Variants in CTNNA3 observed in about 807,000 individuals in gnomAD.
The protein encoded by CTNNA3 is catenin alpha-3.
In CTNNA3, 76 loss-of-function variants were observed where a neutral mutation model predicts 95.7. That is an observed-to-expected ratio of 0.79 (90% CI 0.66 to 0.96). CTNNA3 has a LOEUF of 0.96. CTNNA3 is among the 40% of genes least tolerant of loss of function. The pLI is 0.00. For synonymous variants in CTNNA3, 431 were observed against 374.4 expected (o/e 1.15, Z -1.74); for missense variants, 1,191 against 1,089.8 (o/e 1.09, Z -1.31).
At chr10:67,260,615 A>G (rs1866560229) in intron 5 of CTNNA3, among the ~76,000 whole-genome samples, 2 of 152,130 alleles carry the variant, frequency 1.3e-5, no homozygotes, top group African/African-American at 4.8e-5. Context: ...AAATGCAAGC[A>G]TTGCAGGTAT....
At chr10:66,414,389 T>A (rs1343275877) in intron 11 of CTNNA3, among the ~76,000 whole-genome samples, 1 of 152,126 alleles carries the variant, frequency 6.6e-6, no homozygotes, top group Non-Finnish European at 1.5e-5. Context: ...CTGTTCAGCC[T>A]GGATTGACTG....
intron 7 of CTNNA3, among the ~76,000 whole-genome samples, chr10:67,107,946 C>A (rs1858741081): frequency 6.6e-6 from 1 of 152,180 alleles, no homozygotes; most frequent in Non-Finnish European, 1.5e-5. Context: ...CCTGTTTCCC[C>A]CTTTTCTTCC....
chr10:66,251,185 T>A (rs1271278623), intron 13 of CTNNA3, among the ~76,000 whole-genome samples: 1 of 152,158 alleles, frequency 6.6e-6, no homozygotes, highest in Non-Finnish European at 1.5e-5. Context: ...TAAGCAGCCA[T>A]CTTGTGTGGC....
intron 7 of CTNNA3, among the ~76,000 whole-genome samples, chr10:67,128,781 T>C (rs896868066): frequency 3.9e-5 from 6 of 152,078 alleles, no homozygotes; most frequent in Non-Finnish European, 8.8e-5. Flanking sequence ...TATAAATACC[T>C]ATTTGAGGGA....
intron 7 of CTNNA3, among the ~76,000 whole-genome samples, chr10:67,055,815 C>T (rs752800052): frequency 2.6e-5 from 4 of 152,064 alleles, no homozygotes; most frequent in Non-Finnish European, 5.9e-5. Flanking sequence ...CTTAAATTTC[C>T]CCAACAACCT....
chr10:66,838,850 T>C (rs898285922), intron 7 of CTNNA3, among the ~76,000 whole-genome samples: 1 of 152,198 alleles, frequency 6.6e-6, no homozygotes. Context: ...AAGTAACTAA[T>C]CTATTACCTC....
intron 13 of CTNNA3, among the ~76,000 whole-genome samples, chr10:66,217,805 G>A (rs1013985215): frequency 9.9e-5 from 15 of 152,130 alleles, no homozygotes; most frequent in African/African-American, 2.9e-4. Flanking sequence ...TATCCATGAT[G>A]GCTGTGGTAG....
chr10:66,985,680 C>G (rs1297015696), intron 7 of CTNNA3, among the ~76,000 whole-genome samples: 1 of 152,054 alleles, frequency 6.6e-6, no homozygotes, highest in Non-Finnish European at 1.5e-5. Context: ...GAACCCAATC[C>G]CATTGCCCCT....
intron 7 of CTNNA3, among the ~76,000 whole-genome samples, chr10:67,127,155 A>G (rs1564909269): frequency 6.6e-6 from 1 of 152,092 alleles, no homozygotes; most frequent in Non-Finnish European, 1.5e-5. Flanking sequence ...TTAGATTTTA[A>G]CCCATGTAAA....
chr10:65,965,922 T>A (rs559308099), intron 17 of CTNNA3, among the ~76,000 whole-genome samples: 1 of 152,310 alleles, frequency 6.6e-6, no homozygotes. Flanking sequence ...TTAGTCCATG[T>A]CCTTCTCAAA....
At chr10:66,336,428 G>A (rs375155498) in intron 12 of CTNNA3, among the ~76,000 whole-genome samples, 15 of 152,038 alleles carry the variant, frequency 9.9e-5, no homozygotes, top group Middle Eastern at 3.4e-3. Flanking sequence ...TTTTGCCACC[G>A]TTTGTCTAGT....
chr10:66,572,696 T>C (rs1373214845), intron 10 of CTNNA3, among the ~76,000 whole-genome samples: 1 of 152,094 alleles, frequency 6.6e-6, no homozygotes, highest in African/African-American at 2.4e-5. Context: ...ATCTCCACAT[T>C]TAACTTTCAA....
At chr10:65,923,491 G>A (rs1174415342) in intron 17 of CTNNA3, among the ~76,000 whole-genome samples, 3 of 152,152 alleles carry the variant, frequency 2.0e-5, no homozygotes, top group Admixed American at 6.5e-5. Context: ...AGAACGGTTG[G>A]CATTGAGAGC....
intron 5 of CTNNA3, among the ~76,000 whole-genome samples, chr10:67,417,251 C>T (rs571773230): frequency 1.2e-4 from 18 of 152,188 alleles, no homozygotes; most frequent in African/African-American, 4.1e-4. Flanking sequence ...GCCTTGTGCA[C>T]ACATGGACAT....
At chr10:66,569,742 T>C (rs1158304371) in intron 10 of CTNNA3, among the ~76,000 whole-genome samples, 1 of 152,112 alleles carries the variant, frequency 6.6e-6, no homozygotes, top group Non-Finnish European at 1.5e-5. Flanking sequence ...ACACTGACAA[T>C]TGTTTATGGC....
intron 14 of CTNNA3, among the ~76,000 whole-genome samples, chr10:66,072,674 A>T (rs1211170022): frequency 2.0e-5 from 3 of 151,858 alleles, no homozygotes; most frequent in African/African-American, 7.3e-5. Context: ...TGAACTCCTG[A>T]CCTCGTGATC....
intron 13 of CTNNA3, among the ~76,000 whole-genome samples, chr10:66,205,299 G>C (rs2087689067): frequency 6.6e-6 from 1 of 151,826 alleles, no homozygotes; most frequent in Admixed American, 6.6e-5. Context: ...CATCAACATT[G>C]TAAGAAAACA....
chr10:66,918,775 G>T (rs1047822921), intron 7 of CTNNA3, among the ~76,000 whole-genome samples: 5 of 152,152 alleles, frequency 3.3e-5, no homozygotes, highest in Non-Finnish European at 7.4e-5. Flanking sequence ...TTAAAAGGCT[G>T]TTAGGAATGC....
intron 12 of CTNNA3, among the ~76,000 whole-genome samples, chr10:66,339,604 AC>A (rs1006733302): frequency 1.3e-5 from 2 of 151,774 alleles, no homozygotes; most frequent in African/African-American, 4.8e-5. Flanking sequence ...TGGTTTCCTA[AC>A]CCCCAAATTC....
Sources: gnomAD v4.1 joint callset for allele counts (sites outside exome capture counted in the v4.1 genomes callset) on GRCh38, gnomAD v4.1.1 for gene constraint, MANE v1.5 for transcripts, NCBI Gene and HGNC (gene_info 2026-07-23, HGNC 2026-07-21) for gene names.